Variants in APTX observed in about 807,000 individuals in gnomAD.
APTX encodes the protein aprataxin.
Under a neutral mutation model 42.3 loss-of-function variants are expected in APTX, and 33 were observed. The observed-to-expected ratio is 0.78, with a 90% CI of 0.59 to 1.04. APTX has a LOEUF of 1.04. APTX is among the 50% of genes least tolerant of loss of function. APTX has a pLI of 0.00. For missense variants in APTX, 421 were observed against 415.1 expected, an observed-to-expected ratio of 1.01 and a Z score of -0.12; for synonymous variants, 130 against 146.7, an observed-to-expected ratio of 0.89 and a Z score of 0.82.
chr9:33,001,782 G>C, upstream of APTX: 1 of 773,526 alleles, frequency 1.3e-6, no homozygotes, highest in South Asian at 1.6e-5. Context: ...TGAGGATCCT[G>C]GAAGTTATGC....
intron 6 of APTX, among the ~76,000 whole-genome samples, chr9:32,982,754 A>G (rs1830976588): frequency 6.6e-6 from 1 of 152,200 alleles, no homozygotes; most frequent in Non-Finnish European, 1.5e-5. Context: ...CACTACGTGA[A>G]AAGGGCTCAG....
At chr9:33,014,999 T>C (rs1346018422) in intron 1 of APTX, among the ~76,000 whole-genome samples, 2 of 152,264 alleles carry the variant, frequency 1.3e-5, no homozygotes, top group South Asian at 2.1e-4. Flanking sequence ...AGGTTGTCAG[T>C]TTAGAGACAA....
intron 1 of APTX, among the ~76,000 whole-genome samples, chr9:32,991,559 G>A (rs1462103066): frequency 7.2e-5 from 11 of 152,184 alleles, no homozygotes; most frequent in South Asian, 2.1e-4. Flanking sequence ...CAAGGCAGGC[G>A]GATCACGAGG....
chr9:33,007,382 A>T (rs1055587202), intron 1 of APTX, among the ~76,000 whole-genome samples: 1 of 152,240 alleles, frequency 6.6e-6, no homozygotes, highest in Non-Finnish European at 1.5e-5. Flanking sequence ...TATGAAGGTC[A>T]TTGTGGCTGC....
intron 6 of APTX, among the ~76,000 whole-genome samples, chr9:32,981,632 T>C (rs747562531): frequency 3.9e-5 from 6 of 152,138 alleles, no homozygotes; most frequent in African/African-American, 9.7e-5. Context: ...CCAAAAGATG[T>C]TGAAGGCGTA....
chr9:33,023,714 GA>G (rs1232381474), intron 1 of APTX, among the ~76,000 whole-genome samples: 1 of 152,216 alleles, frequency 6.6e-6, no homozygotes, highest in African/African-American at 2.4e-5. Flanking sequence ...GCGTATATGG[GA>G]AACTGCGGAT....
At chr9:33,018,210 A>G (rs568326845) in intron 1 of APTX, among the ~76,000 whole-genome samples, 47 of 150,880 alleles carry the variant, frequency 3.1e-4, no homozygotes, top group African/African-American at 1.1e-3. Flanking sequence ...TGCTGGGTTC[A>G]AGTGATTCTC....
intron 1 of APTX, among the ~76,000 whole-genome samples, chr9:33,006,951 G>A (rs1432081533): frequency 8.0e-6 from 1 of 125,184 alleles, no homozygotes; most frequent in Non-Finnish European, 1.6e-5. Context: ...AGTAAGCCTA[G>A]ATTGCGCCAC....
intron 6 of APTX, among the ~76,000 whole-genome samples, chr9:32,981,821 A>G (rs1830739432): frequency 6.6e-6 from 1 of 152,206 alleles, no homozygotes; most frequent in Admixed American, 6.5e-5. Context: ...TTCACACAGA[A>G]TAATTTCAAC....
At position 32,972,679 on chromosome 9, in the gene APTX, A is replaced by AC. The variant is rs1220242623; in HGVS notation, c.*818dup. On this transcript the variant is annotated 3_prime_UTR_variant, in exon 8 of 8. Coordinates refer to ENST00000379817, the MANE Select transcript of APTX (RefSeq NM_001195248.2). The stretch of plus-strand genomic sequence containing the variant: ...GTGGCTCTACGCAACTTTTTCATTC[A>AC]CCAACCACCTTTCCATGCATCAGAA... The AC allele has an allele frequency of 2.3e-5, 10 of 436,704 alleles. No individual in the cohort carries two copies. The Admixed American group carries it at 2.5e-4, about 11-fold the overall frequency. The allele number at this position is 436,704 out of a possible 1,614,324, so 27.1% of individuals were successfully genotyped here.
Position 32,972,957 on chromosome 9 carries a change from T to A in APTX, c.*541A>T. On this transcript the variant is annotated 3_prime_UTR_variant, in exon 8 of 8. Coordinates refer to ENST00000379817, the MANE Select transcript of APTX (RefSeq NM_001195248.2). Reference sequence around the variant, plus strand: ...GACAGAATTCCTGAGAAGGGAACATTTAGGTAATCTGGGATAGAAGGGCAT... The same window carrying A: ...GACAGAATTCCTGAGAAGGGAACATATAGGTAATCTGGGATAGAAGGGCAT... 1 of 453,994 alleles carries A rather than the reference T, an allele frequency of 2.2e-6. No individual in the cohort carries two copies. Among genetic ancestry groups the A allele is most frequent in the South Asian group, 1.6e-5 (1 of 64,454 alleles). The allele number at this position is 453,994 out of a possible 1,614,324, so 28.1% of individuals were successfully genotyped here. A position where few individuals can be genotyped will look rare whatever the true frequency, so the allele number is the denominator to read the frequency against.
chr9:33,024,392 G>A (rs559840159), intron 1 of APTX, among the ~76,000 whole-genome samples: 30 of 152,318 alleles, frequency 2.0e-4, no homozygotes, highest in African/African-American at 7.0e-4. Flanking sequence ...TTCCCATTAA[G>A]CCCCCGTGGT....
chr9:32,978,309 C>T (rs538609510), intron 6 of APTX, among the ~76,000 whole-genome samples: 4 of 152,254 alleles, frequency 2.6e-5, no homozygotes, highest in African/African-American at 7.2e-5. Context: ...AGTCTTATGA[C>T]CTACCATCAA....
chr9:33,001,505 C>A, intron 1 of APTX, 62 bp downstream of exon 1: 1 of 1,611,162 alleles, frequency 6.2e-7, no homozygotes, highest in Non-Finnish European at 8.5e-7. Flanking sequence ...CAGCCTCGGC[C>A]GAACGCTCAC....
intron 1 of APTX, among the ~76,000 whole-genome samples, chr9:32,990,744 G>C (rs1008072428): frequency 2.0e-5 from 3 of 152,142 alleles, no homozygotes; most frequent in Non-Finnish European, 4.4e-5. Context: ...CGGTTTTAAA[G>C]GATGAGAAGG....
chr9:32,997,962 A>G (rs897154883), intron 1 of APTX, among the ~76,000 whole-genome samples: 7 of 152,252 alleles, frequency 4.6e-5, no homozygotes, highest in African/African-American at 1.7e-4. Flanking sequence ...GAACAGGCCT[A>G]GAAGCAGGGA....
At chr9:32,988,936 T>C (rs547750261) in intron 2 of APTX, among the ~76,000 whole-genome samples, 2 of 152,236 alleles carry the variant, frequency 1.3e-5, no homozygotes, top group South Asian at 4.1e-4. Flanking sequence ...AGTGGTAACA[T>C]TAAGCATTCC....
Position 32,974,490 on chromosome 9 carries a change from GA to G in APTX, c.841del (p.Ser281LeufsTer8), listed in dbSNP as rs587776594. ...TTCTAGGAAGTATTCTGTATTGAAA[GA>G]ATTCCAATGTTTTTTGTTTTTAAGG... ...PCLKNKKHWNSFNTEYFLESQ... is the reference protein window; with the variant it reads ...PCLKNKKHWNXFNTEYFLESQ... On this transcript the variant is annotated frameshift_variant, in exon 7 of 8. Transcript: ENST00000379817. LOFTEE classifies it high-confidence loss of function. 1 of 1,607,360 alleles carries G rather than the reference GA, an allele frequency of 6.2e-7. No homozygotes were observed. Among genetic ancestry groups the G allele is most frequent in the East Asian group, 2.2e-5 (1 of 44,746 alleles).
In APTX at chr9:33,001,554, A is replaced by ACGAC; in HGVS notation, c.-5+9_-5+12dup. The ACGAC allele has an allele frequency of 6.2e-7, 1 of 1,613,838 alleles. No individual in the cohort carries two copies. Among genetic ancestry groups the ACGAC allele is most frequent in the Non-Finnish European group, 8.5e-7 (1 of 1,180,028 alleles). On this transcript the variant is annotated intron_variant, in intron 1 of 7. Coordinates refer to ENST00000379817, the MANE Select transcript of APTX (RefSeq NM_001195248.2). ...CCCAGCCAGCAGAAGAGATAGGCTG[A>ACGAC]CGACCGCCTTACCTCCAGAAGTCGG... is the stretch of plus-strand genomic sequence containing the variant.
Sources: gnomAD v4.1 joint callset for allele counts (sites outside exome capture counted in the v4.1 genomes callset) on GRCh38, gnomAD v4.1.1 for gene constraint, MANE v1.5 for transcripts, NCBI Gene and HGNC (gene_info 2026-07-23, HGNC 2026-07-21) for gene names.